Variants in CMTM4 observed in about 807,000 individuals in gnomAD.
CMTM4 encodes the protein CKLF-like MARVEL transmembrane domain-containing protein 4.
In CMTM4, 8 loss-of-function variants were observed where a neutral mutation model predicts 19.0. That is an observed-to-expected ratio of 0.42 (90% confidence interval 0.25 to 0.76). The LOEUF (loss-of-function observed/expected upper bound fraction) is 0.76. Ranked by LOEUF, CMTM4 falls within the 30% of genes least tolerant of loss-of-function variation. The pLI, the probability that CMTM4 is intolerant of heterozygous loss-of-function variation, is 0.27. For missense variants in CMTM4, 228 were observed against 290.2 expected (o/e 0.79, Z 1.56); for synonymous variants, 106 against 121.1 (o/e 0.88, Z 0.82).
At chr16:66,695,540 C>G (rs1443342469) in intron 1 of CMTM4, among the ~76,000 whole-genome samples, 1 of 152,172 alleles carries the variant, frequency 6.6e-6, no homozygotes, top group African/African-American at 2.4e-5. Context: ...AACCACAAAG[C>G]AGGAACAGAG....
chr16:66,600,619 C>G, the CMTM4 span, among the ~76,000 whole-genome samples: 1 of 151,902 alleles, frequency 6.6e-6, no homozygotes, highest in African/African-American at 2.4e-5. Context: ...CCCTTCCCCC[C>G]AAACACCTTG....
intron 2 of CMTM4, among the ~76,000 whole-genome samples, chr16:66,633,106 TATATATATATAAATATATATATATAA>T (rs2015911602): frequency 1.5e-5 from 2 of 129,676 alleles, no homozygotes; most frequent in Non-Finnish European, 1.6e-5. Context: ...TATATAAATA[TATATATATATAAATATATATATATAA>T]ATATATATAT....
intron 1 of CMTM4, among the ~76,000 whole-genome samples, chr16:66,637,328 G>A (rs184163666): frequency 3.2e-4 from 48 of 152,140 alleles, no homozygotes; most frequent in Admixed American, 2.4e-3. Flanking sequence ...GCAGATCACC[G>A]GAGGTCTGGA....
the CMTM4 span, among the ~76,000 whole-genome samples, chr16:66,599,758 G>T: frequency 1.3e-5 from 2 of 152,274 alleles, no homozygotes; most frequent in South Asian, 4.1e-4. Context: ...CTTTTTTCCA[G>T]TATTAACTGG....
At chr16:66,663,314 G>A (rs570233079) in intron 1 of CMTM4, among the ~76,000 whole-genome samples, 40 of 152,184 alleles carry the variant, frequency 2.6e-4, no homozygotes, top group African/African-American at 8.9e-4. Flanking sequence ...ACAGTTGTTG[G>A]AATTATCAGA....
chr16:66,649,758 G>C (rs1415533556), intron 1 of CMTM4, among the ~76,000 whole-genome samples: 1 of 152,150 alleles, frequency 6.6e-6, no homozygotes, highest in East Asian at 1.9e-4. Flanking sequence ...GGCAGGGGCA[G>C]GGCTCTCACT....
At chr16:66,629,859 C>T (rs1174805300) in intron 2 of CMTM4, among the ~76,000 whole-genome samples, 1 of 152,218 alleles carries the variant, frequency 6.6e-6, no homozygotes, top group East Asian at 1.9e-4. Context: ...CTGAGTGGAG[C>T]TCATTCTGAC....
At chr16:66,625,138 G>A (rs2015710313) in intron 2 of CMTM4, among the ~76,000 whole-genome samples, 1 of 151,946 alleles carries the variant, frequency 6.6e-6, no homozygotes, top group Non-Finnish European at 1.5e-5. Flanking sequence ...GCAGCAAAGG[G>A]CTAGAAAACA....
chr16:66,613,745 A>C (rs1446658955), downstream of CMTM4: 2 of 152,348 alleles, frequency 1.3e-5, no homozygotes, highest in African/African-American at 4.8e-5. Context: ...AGCCAGACTG[A>C]CCACTTGCTT....
At chr16:66,602,712 A>G in the CMTM4 span, among the ~76,000 whole-genome samples, 1 of 152,004 alleles carries the variant, frequency 6.6e-6, no homozygotes, top group African/African-American at 2.4e-5. Context: ...ACGCCCAGCT[A>G]ATTTTTGTAT....
At chr16:66,664,692 A>G (rs1184358713) in intron 1 of CMTM4, among the ~76,000 whole-genome samples, 2 of 152,228 alleles carry the variant, frequency 1.3e-5, no homozygotes, top group African/African-American at 2.4e-5. Context: ...TCAAAACTCA[A>G]TAAATCAATT....
chr16:66,646,552 T>A (rs2016204675), intron 1 of CMTM4, among the ~76,000 whole-genome samples: 1 of 152,154 alleles, frequency 6.6e-6, no homozygotes, highest in Non-Finnish European at 1.5e-5. Context: ...CCCGCTTTCA[T>A]GTTCCAAAAT....
At chr16:66,603,148 T>C in the CMTM4 span, among the ~76,000 whole-genome samples, 2 of 152,110 alleles carry the variant, frequency 1.3e-5, no homozygotes, top group African/African-American at 4.8e-5. Context: ...GATGCAGAGT[T>C]CTTATGAACG....
chr16:66,666,568 C>T (rs2016598327), intron 1 of CMTM4, among the ~76,000 whole-genome samples: 1 of 152,142 alleles, frequency 6.6e-6, no homozygotes, highest in South Asian at 2.1e-4. Context: ...TCTCAAAATT[C>T]AATAGTAAGA....
At chr16:66,638,255 A>C (rs1267630119) in intron 1 of CMTM4, among the ~76,000 whole-genome samples, 1 of 152,208 alleles carries the variant, frequency 6.6e-6, no homozygotes, top group Non-Finnish European at 1.5e-5. Flanking sequence ...CACCAAGCAC[A>C]GTAACTTTCA....
At chr16:66,636,620 T>A in intron 1 of CMTM4, 39 bp from the exon 2 acceptor site, 1 of 1,534,660 alleles carries the variant, frequency 6.5e-7, no homozygotes, top group Non-Finnish European at 9.0e-7. Context: ...ACGTATATGT[T>A]TAGTATACAT....
At chr16:66,660,048 C>T (rs1365886338) in intron 1 of CMTM4, among the ~76,000 whole-genome samples, 1 of 152,098 alleles carries the variant, frequency 6.6e-6, no homozygotes, top group Non-Finnish European at 1.5e-5. Context: ...GGCAAACAAG[C>T]ACATGAAAAG....
chr16:66,671,249 C>A (rs940337064), intron 1 of CMTM4, among the ~76,000 whole-genome samples: 3 of 152,134 alleles, frequency 2.0e-5, no homozygotes, highest in Non-Finnish European at 4.4e-5. Context: ...ACAGGGAAGC[C>A]TTCTCAAAGA....
downstream of CMTM4, among the ~76,000 whole-genome samples, chr16:66,611,317 G>C (rs1446480833): frequency 6.6e-6 from 1 of 152,104 alleles, no homozygotes; most frequent in Non-Finnish European, 1.5e-5. Context: ...GCCAGGCATG[G>C]TGGTGCCCGC....
Sources: allele counts gnomAD v4.1 joint callset (sites outside exome capture counted in the v4.1 genomes callset), GRCh38; gene constraint gnomAD v4.1.1; transcripts MANE v1.5; gene names NCBI Gene and HGNC (gene_info 2026-07-23, HGNC 2026-07-21).